Variants in MYO1D observed in about 807,000 individuals in gnomAD.
MYO1D encodes the protein unconventional myosin-Id.
Under a neutral mutation model 122.0 loss-of-function variants are expected in MYO1D, and 83 were observed. The ratio of observed to expected loss-of-function variants is 0.68; its 90% confidence interval spans 0.57 to 0.82. MYO1D has a LOEUF of 0.82. Ranked by LOEUF, MYO1D falls within the 40% of genes least tolerant of loss-of-function variation. MYO1D has a pLI of 0.00. For missense variants in MYO1D, 1,157 were observed against 1,269.5 expected, an observed-to-expected ratio of 0.91 and a Z score of 1.35; for synonymous variants, 464 against 446.9, an observed-to-expected ratio of 1.04 and a Z score of -0.48.
intron 2 of MYO1D, 31 bp from the exon 3 acceptor site, chr17:32,778,604 T>A (rs2090204344): frequency 6.4e-7 from 1 of 1,554,402 alleles, no homozygotes; most frequent in South Asian, 1.1e-5. Context: ...GGGCTTAACA[T>A]AATAATTTAA....
rs573638988 is a variant in MYO1D at position 32,635,454 on chromosome 17, G to A, written c.2709+3268C>T. Among the ~76,000 whole-genome samples, 5 of 152,142 alleles carry A rather than the reference G, an allele frequency of 3.3e-5. No individual in the cohort carries two copies. The East Asian group carries it at 5.8e-4, about 18-fold the overall frequency. ...GGTGGCTCATGCCTGTAATCCCAGCGCTTTGAGAGGCCAAGGTGGGCAGAT... is the reference window on the plus strand; with the variant it reads ...GGTGGCTCATGCCTGTAATCCCAGCACTTTGAGAGGCCAAGGTGGGCAGAT... On this transcript the variant is annotated intron_variant, in intron 20 of 21. Transcript: ENST00000318217.
rs549090093 is a variant in MYO1D at position 32,706,855 on chromosome 17, C to A, written c.2121+5133G>T. On this transcript the variant is annotated intron_variant, in intron 16 of 21. Coordinates refer to ENST00000318217, the MANE Select transcript of MYO1D (RefSeq NM_015194.3). ...GGGACTATAGGCACCTGCCACCATG[C>A]CTGGCTAATTTTTTGTATTTTTAGT... is the stretch of plus-strand genomic sequence containing the variant. 1.3e-3 allele frequency among the ~76,000 whole-genome samples: 203 copies of A among 152,224 alleles called. 1 individual carries two copies. Among genetic ancestry groups the A allele is most frequent in the African/African-American group, 4.5e-3 (186 of 41,536 alleles).
At chr17:32,614,071 A>AT (rs1284727412) in intron 20 of MYO1D, among the ~76,000 whole-genome samples, 8 of 106,268 alleles carry the variant, frequency 7.5e-5, no homozygotes, top group Non-Finnish European at 2.0e-5. Flanking sequence ...ATAATGTTTT[A>AT]ATTTTTTTTT....
intron 16 of MYO1D, among the ~76,000 whole-genome samples, chr17:32,703,649 A>G (rs1439579617): frequency 6.6e-6 from 1 of 152,108 alleles, no homozygotes; most frequent in Non-Finnish European, 1.5e-5. Flanking sequence ...TATATCTACC[A>G]AAAAAGAAAG....
At chr17:32,544,865 T>G (rs1046196172) in intron 21 of MYO1D, among the ~76,000 whole-genome samples, 1 of 152,226 alleles carries the variant, frequency 6.6e-6, no homozygotes, top group Admixed American at 6.5e-5. Context: ...AATATATATA[T>G]GGCCAAATTA....
intron 21 of MYO1D, among the ~76,000 whole-genome samples, chr17:32,581,823 T>A (rs2087343961): frequency 6.6e-6 from 1 of 152,006 alleles, no homozygotes; most frequent in Non-Finnish European, 1.5e-5. Context: ...TGGAGTGTAG[T>A]AGAGCGATCT....
At chr17:32,859,315 C>T (rs750480209) in intron 1 of MYO1D, among the ~76,000 whole-genome samples, 4 of 152,200 alleles carry the variant, frequency 2.6e-5, no homozygotes, top group Admixed American at 6.5e-5. Flanking sequence ...AACATATTTA[C>T]TTGTTTGTCA....
intron 1 of MYO1D, among the ~76,000 whole-genome samples, chr17:32,842,473 CAA>C (rs2090892272): frequency 6.6e-6 from 1 of 152,126 alleles, no homozygotes; most frequent in South Asian, 2.1e-4. Context: ...AGTTATTCCT[CAA>C]AGTCTTTATA....
intron 20 of MYO1D, among the ~76,000 whole-genome samples, chr17:32,627,067 T>A (rs914679270): frequency 6.6e-6 from 1 of 152,220 alleles, no homozygotes; most frequent in East Asian, 1.9e-4. Context: ...CTCTTTGTTA[T>A]AACACGCAGA....
chr17:32,832,164 G>A (rs774998029), intron 1 of MYO1D, among the ~76,000 whole-genome samples: 7 of 151,400 alleles, frequency 4.6e-5, no homozygotes, highest in Non-Finnish European at 7.4e-5. Flanking sequence ...CCCAGGCAAT[G>A]GTACAATCAT....
Position 32,755,655 on chromosome 17 carries a change from T to C in MYO1D, c.1304A>G (p.Tyr435Cys), listed in dbSNP as rs769614715. 7 of 1,612,978 alleles carry C rather than the reference T, an allele frequency of 4.3e-6. No homozygotes were observed. The highest frequency in any genetic ancestry group is 1.3e-5 in the African/African-American group (1 of 74,874). ...GTCAACAATGATCTGATTGTTGAAGTAGTCAATCTGTAGGACACAGCAAGG... is the reference window on the plus strand; with the variant it reads ...GTCAACAATGATCTGATTGTTGAAGCAGTCAATCTGTAGGACACAGCAAGG... The part of the protein sequence containing the change: ...REGIPWKHID[Y>C]FNNQIIVDLV... Residue 435 changes from tyrosine (Y) to cysteine (C), a missense_variant, in exon 11 of 22, where the codon TAC becomes TGC. By Grantham distance (194) the Tyr-to-Cys change is radical (BLOSUM62 -2). Coordinates refer to ENST00000318217, the MANE Select transcript of MYO1D (RefSeq NM_015194.3).
chr17:32,795,437 A>C (rs911739891), intron 1 of MYO1D, among the ~76,000 whole-genome samples: 3 of 151,878 alleles, frequency 2.0e-5, no homozygotes, highest in Admixed American at 6.6e-5. Context: ...TTACTAACTG[A>C]ATTCATCATA....
intron 16 of MYO1D, among the ~76,000 whole-genome samples, chr17:32,681,641 T>C (rs1328359536): frequency 6.6e-6 from 1 of 152,134 alleles, no homozygotes; most frequent in Non-Finnish European, 1.5e-5. Context: ...CCTGTTCTTT[T>C]ACATTTGCTG....
intron 11 of MYO1D, among the ~76,000 whole-genome samples, chr17:32,751,242 C>T (rs893995788): frequency 4.6e-5 from 7 of 152,062 alleles, no homozygotes; most frequent in African/African-American, 1.4e-4. Context: ...AAGACAGAAA[C>T]CTCTAATTTA....
At chr17:32,509,478 G>A (rs1909609083) in intron 21 of MYO1D, among the ~76,000 whole-genome samples, 1 of 152,208 alleles carries the variant, frequency 6.6e-6, no homozygotes. Context: ...CGATAAACAT[G>A]TTGCCATTTT....
intron 16 of MYO1D, among the ~76,000 whole-genome samples, chr17:32,698,613 T>C (rs997217680): frequency 6.6e-6 from 1 of 152,112 alleles, no homozygotes; most frequent in African/African-American, 2.4e-5. Flanking sequence ...AATTTTCAGA[T>C]AATGATTCTA....
chr17:32,575,088 GA>G (rs1264428279), intron 21 of MYO1D, among the ~76,000 whole-genome samples: 1 of 152,188 alleles, frequency 6.6e-6, no homozygotes. Context: ...ATGAAATGTT[GA>G]TATACAGAAA....
At chr17:32,864,814 G>A (rs2091110298) in intron 1 of MYO1D, among the ~76,000 whole-genome samples, 2 of 152,188 alleles carry the variant, frequency 1.3e-5, no homozygotes, top group Admixed American at 6.5e-5. Context: ...TGATAGAGGT[G>A]AAAGTATTTT....
At chr17:32,619,774 T>A (rs577335414) in intron 20 of MYO1D, among the ~76,000 whole-genome samples, 1 of 152,336 alleles carries the variant, frequency 6.6e-6, no homozygotes, top group African/African-American at 2.4e-5. Context: ...TTAATTAAGC[T>A]GCTTTCCTTA....
Sources: gnomAD v4.1 joint callset for allele counts (sites outside exome capture counted in the v4.1 genomes callset) on GRCh38, gnomAD v4.1.1 for gene constraint, MANE v1.5 for transcripts, NCBI Gene and HGNC (gene_info 2026-07-23, HGNC 2026-07-21) for gene names.